FAM149B1: variants seen among roughly 807,000 people sequenced by gnomAD.
FAM149B1 encodes the protein primary cilium assembly protein FAM149B1.
FAM149B1 carries 56 observed loss-of-function variants against 75.3 expected under a neutral mutation model. The ratio of observed to expected loss-of-function variants is 0.74; its 90% CI spans 0.60 to 0.93. FAM149B1 has a LOEUF of 0.93. Among genes scored for constraint, FAM149B1 ranks in the 40% least tolerant of loss-of-function variants. The pLI, the probability that FAM149B1 is intolerant of heterozygous loss-of-function variation, is 0.00. For synonymous variants in FAM149B1, 259 were observed against 256.1 expected, an observed-to-expected ratio of 1.01 and a Z score of -0.11; for missense variants, 639 against 708.4, an observed-to-expected ratio of 0.90 and a Z score of 1.11.
At chr10:73,230,148 C>T in intron 8 of FAM149B1, 1 of 317,468 alleles carries the variant, frequency 3.1e-6, no homozygotes, top group Admixed American at 4.1e-5. Flanking sequence ...TAAAGGTCCT[C>T]ACTCCCTGTA....
chr10:73,187,692 GC>G (rs1360881321), intron 3 of FAM149B1, among the ~76,000 whole-genome samples: 4 of 151,922 alleles, frequency 2.6e-5, no homozygotes, highest in African/African-American at 9.7e-5. Context: ...TCGCACCATT[GC>G]ACTCCAGCCT....
At chr10:73,215,370 T>C (rs2043275121) in intron 7 of FAM149B1, among the ~76,000 whole-genome samples, 1 of 152,020 alleles carries the variant, frequency 6.6e-6, no homozygotes, top group South Asian at 2.1e-4. Flanking sequence ...AGTTGTGATC[T>C]TTTTACTTTT....
intron 5 of FAM149B1, among the ~76,000 whole-genome samples, chr10:73,206,783 C>T (rs987674105): frequency 1.3e-5 from 2 of 152,140 alleles, no homozygotes; most frequent in South Asian, 2.1e-4. Context: ...GGTGTGGTGG[C>T]GGACGCCTAT....
At chr10:73,225,208 A>G (rs1040055442) in intron 7 of FAM149B1, among the ~76,000 whole-genome samples, 1 of 152,220 alleles carries the variant, frequency 6.6e-6, no homozygotes, top group African/African-American at 2.4e-5. Context: ...TTCTCCTACC[A>G]TGTCTTTTAA....
At chr10:73,226,809 AC>A (rs11305243) in intron 7 of FAM149B1, among the ~76,000 whole-genome samples, 15,926 of 152,178 alleles carry the variant, frequency 0.1, 1,204 homozygotes, top group East Asian at 0.31. Flanking sequence ...TTTGTCATGG[AC>A]CAGTTGGTTC....
chr10:73,200,323 C>T (rs1305004498), intron 5 of FAM149B1: 4 of 422,826 alleles, frequency 9.5e-6, no homozygotes, highest in African/African-American at 2.0e-5. Context: ...GTGACAAGAG[C>T]GAAACTACAT....
rs543372279 is a variant in FAM149B1, at chr10:73,244,125, T to C, written c.*3106T>C. Reference sequence around the variant, plus strand: ...CAAGCAGTAGATCCTCTGATTCCAATTACCATTTGTTTTTTACCCAATTCT... The same window carrying C: ...CAAGCAGTAGATCCTCTGATTCCAACTACCATTTGTTTTTTACCCAATTCT... On this transcript the variant is annotated 3_prime_UTR_variant, in exon 14 of 14. Coordinates refer to ENST00000242505, the MANE Select transcript of FAM149B1 (RefSeq NM_173348.2). 1 of 568,994 alleles carries C rather than the reference T, an allele frequency of 1.8e-6. No homozygotes were observed. Among genetic ancestry groups the C allele is most frequent in the African/African-American group, 1.9e-5 (1 of 51,828 alleles). The allele number at this position is 568,994 out of a possible 1,614,324, so 35.2% of individuals were successfully genotyped here. A position where few individuals can be genotyped will look rare whatever the true frequency, so the allele number is the denominator to read the frequency against.
chr10:73,177,950 G>A lies in FAM149B1; in HGVS notation c.257G>A (p.Ser86Asn). 1 of 1,551,284 alleles carries A rather than the reference G, an allele frequency of 6.4e-7. No homozygotes were observed. The highest frequency in any genetic ancestry group is 8.7e-7 in the Non-Finnish European group (1 of 1,146,858). ...GGCGCAGGGATATCTACTGAAGGAA[G>A]CTCGGACTTCTCCTGGGGATATGGT... ...YTGAGISTEG[S>N]SDFSWGYGEL... Residue 86 changes from serine (S) to asparagine (N), a missense_variant, in exon 3 of 14, where the codon AGC becomes AAC. By Grantham distance (46) the Ser-to-Asn change is conservative (BLOSUM62 1). Transcript: ENST00000242505.
intron 8 of FAM149B1, among the ~76,000 whole-genome samples, chr10:73,229,828 A>G (rs1317623955): frequency 6.6e-6 from 1 of 152,182 alleles, no homozygotes; most frequent in East Asian, 1.9e-4. Flanking sequence ...ACTGCCAGAA[A>G]AGCCAATGAG....
intron 7 of FAM149B1, among the ~76,000 whole-genome samples, chr10:73,224,442 C>T (rs1195366672): frequency 6.6e-6 from 1 of 150,920 alleles, no homozygotes; most frequent in African/African-American, 2.4e-5. Flanking sequence ...TACTATACCA[C>T]TATGAGAATA....
intron 4 of FAM149B1, among the ~76,000 whole-genome samples, 195 bp from the exon 5 acceptor site, chr10:73,193,282 T>A (rs58118007): frequency 0.073 from 10,861 of 148,762 alleles, 628 homozygotes; most frequent in East Asian, 0.3. Context: ...TATAGGTTTA[T>A]CTTTTCCATC....
intron 3 of FAM149B1, among the ~76,000 whole-genome samples, chr10:73,179,668 C>T (rs1311826437): frequency 6.6e-6 from 1 of 152,026 alleles, no homozygotes; most frequent in Admixed American, 6.6e-5. Context: ...AGGTTATAGG[C>T]ATGAGCCACT....
At chr10:73,202,343 C>G (rs2042957817) in intron 5 of FAM149B1, among the ~76,000 whole-genome samples, 1 of 151,828 alleles carries the variant, frequency 6.6e-6, no homozygotes, top group Non-Finnish European at 1.5e-5. Context: ...TTTTTCAACA[C>G]AAAGAATTCC....
chr10:73,180,144 A>T (rs1023325936), intron 3 of FAM149B1, among the ~76,000 whole-genome samples: 1 of 152,172 alleles, frequency 6.6e-6, no homozygotes, highest in South Asian at 2.1e-4. Context: ...TATCAGGGGG[A>T]TTCATTATCA....
Position 73,192,761 on chromosome 10 carries a change from A to T in FAM149B1, c.425+63A>T, listed in dbSNP as rs536703420. ...ATACTAAAATTTAAAAAGTAGATTT[A>T]AAAAAAAAGCTTGTATTCTGAAATC... On this transcript the variant is annotated intron_variant, in intron 4 of 13. Transcript: ENST00000242505. The T allele has an allele frequency of 1.3e-4, 167 of 1,266,618 alleles. No individual in the cohort carries two copies. In the South Asian group the frequency reaches 1.5e-3, roughly 11 times the overall value. The allele number at this position is 1,266,618 out of a possible 1,614,324, so 78.5% of individuals were successfully genotyped here. A position where few individuals can be genotyped will look rare whatever the true frequency, so the allele number is the denominator to read the frequency against.
Position 73,210,255 on chromosome 10 carries a change from G to A in FAM149B1, c.715G>A (p.Glu239Lys), listed in dbSNP as rs1408304529. 1.3e-6 allele frequency: 2 copies of A among 1,549,486 alleles called. No individual in the cohort carries two copies. Among genetic ancestry groups the A allele is most frequent in the East Asian group, 4.9e-5 (2 of 40,916 alleles). ...TCCTTCTTGCTTCTGTTACAGAGAA[G>A]AGGGATTTCATGGGAAGAAATCAGA... ...YLAFDHIDIE[E>K]GFHGKKSEAA... Residue 239 changes from glutamate (E) to lysine (K), a missense_variant, in exon 7 of 14, where the codon GAG becomes AAG. Transcript: ENST00000242505.
intron 7 of FAM149B1, among the ~76,000 whole-genome samples, chr10:73,225,649 G>A (rs1196038431): frequency 6.6e-6 from 1 of 152,138 alleles, no homozygotes; most frequent in Non-Finnish European, 1.5e-5. Context: ...TAACCTAAAT[G>A]TACAGTGTTT....
intron 7 of FAM149B1, among the ~76,000 whole-genome samples, chr10:73,221,795 G>A (rs1334385700): frequency 6.6e-6 from 1 of 151,808 alleles, no homozygotes; most frequent in Non-Finnish European, 1.5e-5. Flanking sequence ...TGATCCCTCA[G>A]GTAACTCATG....
intron 4 of FAM149B1, 141 bp downstream of exon 4, chr10:73,192,839 T>C (rs2133336158): frequency 1.3e-6 from 1 of 747,676 alleles, no homozygotes; most frequent in South Asian, 3.6e-5. Context: ...TATAAAGCCT[T>C]GGCTAAGAGA....
Sources: allele counts gnomAD v4.1 joint callset (sites outside exome capture counted in the v4.1 genomes callset), GRCh38; gene constraint gnomAD v4.1.1; transcripts MANE v1.5; gene names NCBI Gene and HGNC (gene_info 2026-07-23, HGNC 2026-07-21).